DSCAM: variants seen among roughly 807,000 people sequenced by gnomAD.
The protein encoded by DSCAM is cell adhesion molecule DSCAM.
DSCAM carries 47 observed loss-of-function variants against 217.7 expected under a neutral mutation model. That is an observed-to-expected ratio of 0.22 (90% CI 0.17 to 0.28). The LOEUF is 0.28. DSCAM is among the 10% of genes least tolerant of loss of function. DSCAM has a pLI of 1.00. For synonymous variants in DSCAM, 1,056 were observed against 1,015.3 expected, an observed-to-expected ratio of 1.04 and a Z score of -0.76; for missense variants, 2,080 against 2,618.3, an observed-to-expected ratio of 0.79 and a Z score of 4.49.
At chr21:40,516,373 A>G (rs143025664) in intron 3 of DSCAM, among the ~76,000 whole-genome samples, 9 of 152,268 alleles carry the variant, frequency 5.9e-5, no homozygotes, top group Middle Eastern at 6.8e-3. Flanking sequence ...TTCTCAGACC[A>G]TGGAAACAAT....
At chr21:40,098,777 G>C (rs1243302469) in intron 20 of DSCAM, among the ~76,000 whole-genome samples, 3 of 152,160 alleles carry the variant, frequency 2.0e-5, no homozygotes, top group Admixed American at 1.3e-4. Context: ...CACAGTGTCA[G>C]ATGATTTGGA....
At chr21:40,074,599 G>A in intron 27 of DSCAM, among the ~76,000 whole-genome samples, 1 of 152,170 alleles carries the variant, frequency 6.6e-6, no homozygotes, top group Non-Finnish European at 1.5e-5. Context: ...GGGATGGCAT[G>A]TGTCCTCTGC....
intron 4 of DSCAM, among the ~76,000 whole-genome samples, chr21:40,361,557 C>A (rs543560849): frequency 4.6e-5 from 7 of 151,968 alleles, no homozygotes; most frequent in Admixed American, 2.0e-4. Context: ...AGGCAGAGAT[C>A]GAAGTGAGCT....
intron 3 of DSCAM, among the ~76,000 whole-genome samples, chr21:40,476,287 A>G (rs927361314): frequency 1.3e-5 from 2 of 152,360 alleles, no homozygotes; most frequent in Middle Eastern, 3.4e-3. Flanking sequence ...AGTTTGAGCT[A>G]CAGCTCAGCC....
chr21:40,243,270 A>C (rs2073177770), intron 11 of DSCAM, among the ~76,000 whole-genome samples: 1 of 152,224 alleles, frequency 6.6e-6, no homozygotes, highest in South Asian at 2.1e-4. Context: ...AAAAATAATA[A>C]AGTGATTTTT....
chr21:40,282,864 G>A (rs1456853935), intron 10 of DSCAM, among the ~76,000 whole-genome samples: 2 of 152,126 alleles, frequency 1.3e-5, no homozygotes, highest in Non-Finnish European at 2.9e-5. Context: ...AGAAAAGGAT[G>A]ATCTGTTTAT....
At chr21:40,096,542 A>T (rs1161318395) in intron 20 of DSCAM, among the ~76,000 whole-genome samples, 3 of 152,202 alleles carry the variant, frequency 2.0e-5, no homozygotes, top group African/African-American at 7.2e-5. Flanking sequence ...CTATGGAAAA[A>T]TATCAGGCTG....
At chr21:40,106,768 A>C (rs2089826293) in intron 20 of DSCAM, among the ~76,000 whole-genome samples, 2 of 152,190 alleles carry the variant, frequency 1.3e-5, no homozygotes, top group South Asian at 4.1e-4. Context: ...AGAGGTGTTC[A>C]TAATATTCTC....
intron 3 of DSCAM, among the ~76,000 whole-genome samples, chr21:40,507,563 G>C (rs745818012): frequency 6.6e-6 from 1 of 152,044 alleles, no homozygotes; most frequent in Non-Finnish European, 1.5e-5. Flanking sequence ...GGCTGAGGTG[G>C]GCGGATCACT....
At chr21:40,134,891 C>G (rs1336485263) in intron 18 of DSCAM, among the ~76,000 whole-genome samples, 1 of 152,178 alleles carries the variant, frequency 6.6e-6, no homozygotes, top group Non-Finnish European at 1.5e-5. Flanking sequence ...GTGAACTCCT[C>G]TCAGCTTCAA....
At chr21:40,323,705 G>C (rs931000888) in intron 8 of DSCAM, among the ~76,000 whole-genome samples, 1 of 152,178 alleles carries the variant, frequency 6.6e-6, no homozygotes. Flanking sequence ...AGGAATAAGA[G>C]TAGCTAACTT....
At chr21:40,342,998 A>G in intron 6 of DSCAM, among the ~76,000 whole-genome samples, 1 of 151,894 alleles carries the variant, frequency 6.6e-6, no homozygotes, top group East Asian at 1.9e-4. Flanking sequence ...TTATATTAGC[A>G]GAGTTTTGTA....
intron 3 of DSCAM, among the ~76,000 whole-genome samples, chr21:40,659,555 C>T (rs540983547): frequency 5.3e-5 from 8 of 152,046 alleles, no homozygotes; most frequent in Non-Finnish European, 1.0e-4. Context: ...TATGTATATG[C>T]CTATCTATTT....
intron 1 of DSCAM, among the ~76,000 whole-genome samples, chr21:40,710,584 G>T (rs2090769417): frequency 6.6e-6 from 1 of 151,864 alleles, no homozygotes; most frequent in South Asian, 2.1e-4. Flanking sequence ...CATTTAAATT[G>T]TTTCTCTTTT....
chr21:40,335,263 C>G (rs1252473044), intron 8 of DSCAM, among the ~76,000 whole-genome samples: 1 of 152,072 alleles, frequency 6.6e-6, no homozygotes, highest in Non-Finnish European at 1.5e-5. Context: ...TAATATTTTC[C>G]TTCTTTTGTT....
At chr21:40,386,827 C>A (rs2075090525) in intron 3 of DSCAM, among the ~76,000 whole-genome samples, 1 of 152,028 alleles carries the variant, frequency 6.6e-6, no homozygotes, top group African/African-American at 2.4e-5. Flanking sequence ...TTTTTAATTT[C>A]ATTTTTGCTT....
chr21:40,468,765 TAAAGA>T (rs974419923), intron 3 of DSCAM, among the ~76,000 whole-genome samples: 1 of 151,242 alleles, frequency 6.6e-6, no homozygotes, highest in African/African-American at 2.4e-5. Context: ...AAAGTTAGTA[TAAAGA>T]AAAGAACCAA....
intron 3 of DSCAM, among the ~76,000 whole-genome samples, chr21:40,374,620 G>A (rs1260078840): frequency 2.6e-5 from 4 of 152,166 alleles, no homozygotes; most frequent in African/African-American, 9.7e-5. Context: ...ACAGACATCT[G>A]CTATGAACTG....
At chr21:40,212,558 C>T (rs2091196416) in intron 11 of DSCAM, 1 of 153,024 alleles carries the variant, frequency 6.5e-6, no homozygotes. Context: ...TCACCATTCT[C>T]ACACCAAGAA....
Sources: allele counts gnomAD v4.1 joint callset (sites outside exome capture counted in the v4.1 genomes callset), GRCh38; gene constraint gnomAD v4.1.1; transcripts MANE v1.5; gene names NCBI Gene and HGNC (gene_info 2026-07-23, HGNC 2026-07-21).